The following PDE8B variants were observed in gnomAD, a reference collection of about 807,000 sequenced individuals.
The protein encoded by PDE8B is phosphodiesterase 8B.
In PDE8B, 26 loss-of-function variants were observed where a neutral mutation model predicts 101.3. The observed-to-expected ratio is 0.26, with a 90% CI of 0.19 to 0.36. PDE8B has a LOEUF of 0.36. PDE8B is among the 10% of genes least tolerant of loss of function. The pLI, the probability that PDE8B is intolerant of heterozygous loss-of-function variation, is 1.00. For synonymous variants in PDE8B, 424 were observed against 429.3 expected (o/e 0.99, Z 0.15); for missense variants, 810 against 1,163.1 (o/e 0.70, Z 4.42).
chr5:77,132,577 G>A, the PDE8B span, among the ~76,000 whole-genome samples: 4 of 152,182 alleles, frequency 2.6e-5, no homozygotes, highest in East Asian at 7.7e-4. Context: ...AGCATTTTAT[G>A]TATCTTTCCA....
the PDE8B span, among the ~76,000 whole-genome samples, chr5:77,189,813 C>A: frequency 6.6e-6 from 1 of 152,126 alleles, no homozygotes; most frequent in Non-Finnish European, 1.5e-5. Context: ...CTCACCCTGG[C>A]TGCTTATGGA....
intron 10 of PDE8B, among the ~76,000 whole-genome samples, chr5:77,375,947 C>T (rs1036202183): frequency 2.2e-4 from 28 of 126,876 alleles, no homozygotes; most frequent in Non-Finnish European, 3.7e-4. Flanking sequence ...GGCTGGAGTG[C>T]AGTGGTGCAG....
At chr5:77,275,209 A>G (rs1292027897) in intron 1 of PDE8B, among the ~76,000 whole-genome samples, 1 of 151,976 alleles carries the variant, frequency 6.6e-6, no homozygotes, top group Non-Finnish European at 1.5e-5. Context: ...AAAAAGAAAA[A>G]ATATATATAC....
intron 1 of PDE8B, among the ~76,000 whole-genome samples, chr5:77,243,948 C>T (rs1756331420): frequency 6.6e-6 from 1 of 151,984 alleles, no homozygotes; most frequent in Admixed American, 6.6e-5. Context: ...TGCTGCATTT[C>T]CACCGCCACC....
intron 14 of PDE8B, among the ~76,000 whole-genome samples, chr5:77,411,451 A>C (rs1794544604): frequency 6.6e-6 from 1 of 152,200 alleles, no homozygotes; most frequent in Non-Finnish European, 1.5e-5. Context: ...ACACAGTCAC[A>C]TCCACTCTAT....
At chr5:77,204,050 GTTTT>G in the PDE8B span, among the ~76,000 whole-genome samples, 2 of 113,618 alleles carry the variant, frequency 1.8e-5, no homozygotes, top group Non-Finnish European at 1.7e-5. Context: ...TGTACCCTTA[GTTTT>G]TTTTTTTTTT....
chr5:77,125,148 A>G, the PDE8B span, among the ~76,000 whole-genome samples: 6 of 152,152 alleles, frequency 3.9e-5, no homozygotes, highest in Non-Finnish European at 8.8e-5. Context: ...ATGCACCGCC[A>G]TGCCAGCTAA....
chr5:77,416,397 A>G (rs1187784931), intron 17 of PDE8B, among the ~76,000 whole-genome samples: 1 of 152,202 alleles, frequency 6.6e-6, no homozygotes, highest in African/African-American at 2.4e-5. Context: ...AGGTACAGTC[A>G]GTGAAGGTGG....
chr5:77,109,087 G>A, the PDE8B span, among the ~76,000 whole-genome samples: 101 of 152,258 alleles, frequency 6.6e-4, no homozygotes, highest in African/African-American at 2.2e-3. Context: ...TTTGTTCTGA[G>A]GCAAAGGCAC....
intron 1 of PDE8B, among the ~76,000 whole-genome samples, chr5:77,275,828 T>C (rs1763753418): frequency 6.6e-6 from 1 of 152,214 alleles, no homozygotes; most frequent in African/African-American, 2.4e-5. Flanking sequence ...AAAAGATATC[T>C]AACCGCATGA....
chr5:77,377,279 G>A (rs897962451), intron 10 of PDE8B, among the ~76,000 whole-genome samples: 3 of 152,208 alleles, frequency 2.0e-5, no homozygotes, highest in Non-Finnish European at 2.9e-5. Context: ...AGAAGGCAAA[G>A]AGAACCAGCA....
intron 5 of PDE8B, among the ~76,000 whole-genome samples, chr5:77,336,487 A>T (rs1280698407): frequency 6.6e-6 from 1 of 152,062 alleles, no homozygotes; most frequent in Non-Finnish European, 1.5e-5. Flanking sequence ...CAATATGTGA[A>T]TTTTTCTGTC....
intron 1 of PDE8B, among the ~76,000 whole-genome samples, chr5:77,297,075 A>G (rs1364852109): frequency 6.6e-6 from 1 of 152,184 alleles, no homozygotes; most frequent in Admixed American, 6.5e-5. Flanking sequence ...GTACTGTGTC[A>G]TCTCATGGAG....
intron 1 of PDE8B, among the ~76,000 whole-genome samples, chr5:77,273,444 T>C (rs76792302): frequency 0.054 from 8,255 of 152,318 alleles, 479 homozygotes; most frequent in African/African-American, 0.14. Flanking sequence ...AAAATGCTTT[T>C]GAGAGATGCA....
the PDE8B span, among the ~76,000 whole-genome samples, chr5:77,137,220 A>G: frequency 6.6e-6 from 1 of 152,136 alleles, no homozygotes; most frequent in Admixed American, 6.5e-5. Flanking sequence ...CTTCCAGGTT[A>G]TTTTCATGTT....
chr5:77,194,786 C>A, the PDE8B span, among the ~76,000 whole-genome samples: 1 of 152,160 alleles, frequency 6.6e-6, no homozygotes, highest in East Asian at 1.9e-4. Flanking sequence ...TTTTAAATGG[C>A]TGAATAATAT....
chr5:77,290,161 T>A, intron 1 of PDE8B: 1 of 1,377,208 alleles, frequency 7.3e-7, no homozygotes, highest in South Asian at 1.2e-5. Context: ...AATTCCAATC[T>A]GGTCTTACAT....
intron 10 of PDE8B, among the ~76,000 whole-genome samples, chr5:77,398,318 CTTTTTTTT>C (rs70988672): frequency 1.6e-4 from 19 of 115,986 alleles, no homozygotes; most frequent in East Asian, 2.6e-4. Context: ...AGCTGTTTTA[CTTTTTTTT>C]TTTTTTTTTT....
the PDE8B span, among the ~76,000 whole-genome samples, chr5:77,169,766 T>C: frequency 2.0e-5 from 3 of 152,084 alleles, no homozygotes; most frequent in African/African-American, 7.2e-5. Flanking sequence ...ACACCTCCAG[T>C]GTGTCTAAGA....
Sources: allele counts gnomAD v4.1 joint callset (sites outside exome capture counted in the v4.1 genomes callset), GRCh38; gene constraint gnomAD v4.1.1; transcripts MANE v1.5; gene names NCBI Gene and HGNC (gene_info 2026-07-23, HGNC 2026-07-21).